OTOGL: variants seen among roughly 807,000 people sequenced by gnomAD.
OTOGL encodes the protein otogelin like.
A neutral mutation model predicts 318.5 loss-of-function variants in OTOGL; 285 were observed. The observed-to-expected ratio is 0.89, with a 90% CI of 0.81 to 0.99. The LOEUF is 0.99. Ranked by LOEUF, OTOGL falls within the 50% of genes least tolerant of loss-of-function variation. OTOGL has a pLI of 0.00. For synonymous variants in OTOGL, 987 were observed against 936.5 expected, an observed-to-expected ratio of 1.05 and a Z score of -0.99; for missense variants, 2,899 against 2,845.6, an observed-to-expected ratio of 1.02 and a Z score of -0.43.
At chr12:80,326,297 A>G (rs1887675777) in intron 35 of OTOGL, among the ~76,000 whole-genome samples, 1 of 152,088 alleles carries the variant, frequency 6.6e-6, no homozygotes, top group Non-Finnish European at 1.5e-5. Flanking sequence ...CAAGTAACAT[A>G]CCATAGAGCA....
intron 1 of OTOGL, among the ~76,000 whole-genome samples, chr12:80,112,615 G>A (rs1382922968): frequency 6.6e-6 from 1 of 152,002 alleles, no homozygotes; most frequent in Admixed American, 6.6e-5. Context: ...TGGTGGATAA[G>A]CTTTTTGATG....
intron 37 of OTOGL, among the ~76,000 whole-genome samples, chr12:80,331,326 C>G (rs1888050553): frequency 7.1e-6 from 1 of 140,856 alleles, no homozygotes; most frequent in South Asian, 2.3e-4. Flanking sequence ...ACTTCCCAGT[C>G]ATTAGAATTT....
At position 80,320,166 on chromosome 12, in the gene OTOGL, T is replaced by G. The variant is rs956467632; in HGVS notation, c.3803-256T>G. Among the ~76,000 whole-genome samples, 4 of 152,126 alleles carry G rather than the reference T, an allele frequency of 2.6e-5. No individual in the cohort carries two copies. In the East Asian group the frequency reaches 7.7e-4, roughly 29 times the overall value. ...TTTTTCCCCCAAGGACAAAATAAAT[T>G]ATTAAAAAAATAGAAGTTACCAAAG... On this transcript the variant is annotated intron_variant, in intron 33 of 58. Coordinates refer to ENST00000547103, the MANE Select transcript of OTOGL (RefSeq NM_001378609.3).
chr12:80,100,856 T>A (rs1869095678), intron 1 of OTOGL, among the ~76,000 whole-genome samples: 1 of 152,186 alleles, frequency 6.6e-6, no homozygotes, highest in Non-Finnish European at 1.5e-5. Flanking sequence ...CTTTCACTTT[T>A]TTTTTCCCAT....
intron 1 of OTOGL, among the ~76,000 whole-genome samples, chr12:80,104,366 T>C (rs966931702): frequency 1.3e-5 from 2 of 152,196 alleles, no homozygotes; most frequent in Non-Finnish European, 2.9e-5. Context: ...TATTGCTCAT[T>C]AGAATCACTG....
intron 44 of OTOGL, among the ~76,000 whole-genome samples, chr12:80,345,112 AT>A (rs1889094537): frequency 3.8e-4 from 1 of 2,624 alleles, no homozygotes; most frequent in Admixed American, 6.9e-3. Flanking sequence ...ATTATAATAT[AT>A]ATTATTATGT....
In OTOGL at chr12:80,380,793, A is replaced by G. The variant is rs1031577159; in HGVS notation, c.*2745A>G. Reference sequence around the variant, plus strand: ...ATGCCGTACAAACGCCTGTACAAATACAAAGTGGTATTTGTGAAGGTTATT... The same window carrying G: ...ATGCCGTACAAACGCCTGTACAAATGCAAAGTGGTATTTGTGAAGGTTATT... On this transcript the variant is annotated 3_prime_UTR_variant, in exon 59 of 59. Coordinates refer to ENST00000547103, the MANE Select transcript of OTOGL (RefSeq NM_001378609.3). The G allele has an allele frequency of 6.6e-6, 1 of 152,172 alleles. No individual in the cohort carries two copies. Among genetic ancestry groups the G allele is most frequent in the African/African-American group, 2.4e-5 (1 of 41,460 alleles). 9.4% of individuals were successfully genotyped at this position (152,172 alleles called of 1,614,324 possible).
At chr12:80,158,689 T>C (rs1165601574) in intron 1 of OTOGL, among the ~76,000 whole-genome samples, 2 of 152,142 alleles carry the variant, frequency 1.3e-5, no homozygotes, top group Non-Finnish European at 2.9e-5. Context: ...TTTTGTATCC[T>C]GAAACTTTTC....
In OTOGL at chr12:80,356,416, G is replaced by T; in HGVS notation, c.5807G>T (p.Gly1936Val). The change falls in exon 48 of 59, where the codon GGA becomes GTA. Residue 1936 changes from glycine to valine, a missense_variant and splice_region_variant. Gly to Val is a moderately radical substitution (Grantham distance 109). Around this residue, in one of 3 missense-constraint regions of OTOGL, gnomAD observed 2,607 missense variants for 2,524.9 expected, o/e 1.03. Transcript: ENST00000547103. ...TTTTAACAGTTTTTCTTATTTATAG[G>T]ATGTGACACGACTTTGTGTGAAACT... is the stretch of plus-strand genomic sequence containing the variant. ...KWTCCSKEVC[G>V]CDTTLCETSI... The T allele has an allele frequency of 6.2e-7, 1 of 1,605,496 alleles. No homozygotes were observed. Among genetic ancestry groups the T allele is most frequent in the South Asian group, 1.1e-5 (1 of 89,690 alleles).
chr12:80,278,029 TCTC>T, intron 24 of OTOGL, 136 bp from the exon 25 acceptor site: 4 of 605,826 alleles, frequency 6.6e-6, no homozygotes, highest in Middle Eastern at 4.3e-4. Flanking sequence ...ACTGGATTCA[TCTC>T]CTCAGTAGGT....
At chr12:80,240,658 T>C (rs561050783) in intron 11 of OTOGL, among the ~76,000 whole-genome samples, 82 of 152,200 alleles carry the variant, frequency 5.4e-4, no homozygotes, top group African/African-American at 1.9e-3. Flanking sequence ...AATATTGTGA[T>C]GTGTTGCCTA....
chr12:80,370,161 A>G (rs1452936730), intron 55 of OTOGL, among the ~76,000 whole-genome samples: 5 of 152,036 alleles, frequency 3.3e-5, no homozygotes, highest in African/African-American at 9.7e-5. Context: ...AAGGAGGTAT[A>G]TAAGTAATAT....
At chr12:80,222,608 T>C (rs992355798) in intron 7 of OTOGL, among the ~76,000 whole-genome samples, 9 of 152,210 alleles carry the variant, frequency 5.9e-5, no homozygotes, top group Admixed American at 2.0e-4. Flanking sequence ...TAATTCTTAG[T>C]TGCAGAATTC....
In OTOGL at chr12:80,339,409, C is replaced by G. The variant is rs34624616; in HGVS notation, c.5050+145C>G. On this transcript the variant is annotated intron_variant, in intron 43 of 58. Transcript: ENST00000547103. Reference sequence around the variant, plus strand: ...TTAACTTTCAGTTCCCATGTAAATACGGAAGGAAGCAATGATTTTTCCATA... The same window carrying G: ...TTAACTTTCAGTTCCCATGTAAATAGGGAAGGAAGCAATGATTTTTCCATA... The G allele has an allele frequency of 2.9e-5, 19 of 650,534 alleles. No individual in the cohort carries two copies. The African/African-American group carries it at 3.7e-4, about 13-fold the overall frequency. 40.3% of individuals were successfully genotyped at this position (650,534 alleles called of 1,614,324 possible).
At chr12:80,121,664 A>ATTGGCCAAGTAAATAGAAAAATAG (rs1870497583) in intron 1 of OTOGL, among the ~76,000 whole-genome samples, 1 of 152,186 alleles carries the variant, frequency 6.6e-6, no homozygotes, top group African/African-American at 2.4e-5. Flanking sequence ...ATTGACACTA[A>ATTGGCCAAGTAAATAGAAAAATAG]AACACTTCTC....
At chr12:80,239,797 C>G (rs80013059) in intron 11 of OTOGL, among the ~76,000 whole-genome samples, 1 of 151,884 alleles carries the variant, frequency 6.6e-6, no homozygotes, top group Non-Finnish European at 1.5e-5. Context: ...TAGCTATAGT[C>G]CCCCCTACTT....
At chr12:80,257,665 A>G (rs565961789) in intron 17 of OTOGL, among the ~76,000 whole-genome samples, 160 bp from the exon 18 acceptor site, 3 of 152,056 alleles carry the variant, frequency 2.0e-5, no homozygotes, top group Non-Finnish European at 4.4e-5. Flanking sequence ...AGGCAGCCAT[A>G]GGTGGCAAAA....
At chr12:80,252,560 C>T (rs1447708131) in intron 13 of OTOGL, among the ~76,000 whole-genome samples, 2 of 152,046 alleles carry the variant, frequency 1.3e-5, no homozygotes, top group Non-Finnish European at 2.9e-5. Flanking sequence ...CAATCTAGTA[C>T]TGATGTAGTT....
intron 35 of OTOGL, among the ~76,000 whole-genome samples, chr12:80,326,456 C>T (rs1286117599): frequency 6.6e-6 from 1 of 152,080 alleles, no homozygotes; most frequent in Non-Finnish European, 1.5e-5. Flanking sequence ...ATGATAAAGA[C>T]ATTTTAAGGA....
Sources: gnomAD v4.1 joint callset for allele counts (sites outside exome capture counted in the v4.1 genomes callset) on GRCh38, gnomAD v4.1.1 for gene constraint, gnomAD v4.1.1 regional missense constraint, MANE v1.5 for transcripts, NCBI Gene and HGNC (gene_info 2026-07-23, HGNC 2026-07-21) for gene names.